The following GON4L variants were observed in gnomAD, a reference collection of about 807,000 sequenced individuals.
GON4L encodes gon-4 like.
In GON4L, 87 loss-of-function variants were observed where a neutral mutation model predicts 211.8. The observed-to-expected ratio is 0.41, with a 90% CI of 0.35 to 0.49. The LOEUF (loss-of-function observed/expected upper bound fraction) is 0.49, where lower values mean the gene tolerates loss of function less well. Ranked by LOEUF, GON4L falls within the 20% of genes least tolerant of loss-of-function variation. GON4L has a pLI of 0.15. For synonymous variants in GON4L, 875 were observed against 962.6 expected (o/e 0.91, Z 1.68); for missense variants, 2,155 against 2,659.5 (o/e 0.81, Z 4.17).
intron 2 of GON4L, among the ~76,000 whole-genome samples, chr1:155,830,075 C>T (rs978945280): frequency 3.3e-5 from 5 of 151,806 alleles, no homozygotes; most frequent in Middle Eastern, 3.2e-3. Context: ...CTCAGCCTTC[C>T]GAGTAGCTGG....
rs745860937 is a variant in GON4L, at chr1:155,766,134, T to C, written c.3339A>G (p.Pro1113=). 13 of 1,613,972 alleles carry C rather than the reference T, an allele frequency of 8.1e-6. No individual in the cohort carries two copies. The East Asian group carries it at 1.8e-4, about 22-fold the overall frequency. Residue 1113 remains proline (P), a synonymous_variant, in exon 21 of 32, where the codon CCA becomes CCG. Coordinates refer to ENST00000368331, the MANE Select transcript of GON4L (RefSeq NM_001282860.2). ...TCTTTGAGGGTCTCCGTCTCACATA[T>C]GGCTTTCGAAACTTAGAAGGGGCAA... is the stretch of plus-strand genomic sequence containing the variant. ...PSLAPSKFRK[P]YVRRRPSKRR...
At chr1:155,825,956 T>A (rs1173239876) in intron 3 of GON4L, among the ~76,000 whole-genome samples, 4 of 151,802 alleles carry the variant, frequency 2.6e-5, no homozygotes, top group Non-Finnish European at 4.4e-5. Context: ...GGCGGGAGAA[T>A]CGCTTGAACC....
At chr1:155,787,267 T>C (rs1447843557) in intron 12 of GON4L, among the ~76,000 whole-genome samples, 1 of 152,052 alleles carries the variant, frequency 6.6e-6, no homozygotes, top group African/African-American at 2.4e-5. Flanking sequence ...TTAAAAATAA[T>C]GTGAACAAGA....
chr1:155,812,557 G>C (rs540625572), intron 10 of GON4L, among the ~76,000 whole-genome samples: 6 of 151,406 alleles, frequency 4.0e-5, no homozygotes, highest in Non-Finnish European at 8.8e-5. Context: ...ACTGTATCCT[G>C]ATTTTTTTTT....
At chr1:155,844,514 T>C (rs896708224) in intron 2 of GON4L, among the ~76,000 whole-genome samples, 3 of 152,084 alleles carry the variant, frequency 2.0e-5, no homozygotes, top group Non-Finnish European at 4.4e-5. Context: ...ACCAGTACTT[T>C]GGGAGGCTAA....
chr1:155,748,382 C>G, downstream of GON4L: 4 of 1,602,502 alleles, frequency 2.5e-6, no homozygotes, highest in South Asian at 4.4e-5. Flanking sequence ...AAGTGCCCCT[C>G]TTGGTGTCTT....
At chr1:155,852,088 A>G (rs1381396631) in intron 2 of GON4L, among the ~76,000 whole-genome samples, 2 of 150,474 alleles carry the variant, frequency 1.3e-5, no homozygotes, top group African/African-American at 4.9e-5. Flanking sequence ...TCACTTGAAC[A>G]TGGGAGGTGG....
In GON4L at chr1:155,750,460, C is replaced by G; in HGVS notation, c.*124G>C. 1.5e-6 allele frequency: 1 copy of G among 658,412 alleles called. No homozygotes were observed. Among genetic ancestry groups the G allele is most frequent in the Non-Finnish European group, 2.8e-6 (1 of 360,976 alleles). 40.8% of individuals were successfully genotyped at this position (658,412 alleles called of 1,614,324 possible). A position where few individuals can be genotyped will look rare whatever the true frequency, so the allele number is the denominator to read the frequency against. On this transcript the variant is annotated 3_prime_UTR_variant, in exon 32 of 32. Transcript: ENST00000368331. ...CCATCCTCCAGCCTTTGTCCTTGTC[C>G]TGGCCTCCTGCTCTCCAGATCTGTA...
chr1:155,826,460 G>A (rs1023559162), intron 3 of GON4L, among the ~76,000 whole-genome samples: 4 of 151,812 alleles, frequency 2.6e-5, no homozygotes, highest in Admixed American at 6.6e-5. Context: ...CAGCTACTCC[G>A]GAGGCTGAGG....
intron 27 of GON4L, 36 bp from the exon 28 acceptor site, chr1:155,754,524 G>GTTTTT (rs760971402): frequency 2.9e-4 from 138 of 476,968 alleles, no homozygotes; most frequent in South Asian, 3.4e-4. Flanking sequence ...CTGCCAAGTT[G>GTTTTT]TTTTTTTTTT....
rs115511891 is a variant in GON4L, at chr1:155,769,833, C to T, written c.2646+1234G>A. The stretch of plus-strand genomic sequence containing the variant: ...AGGAGATTGGAGAGCAGAAAATGTG[C>T]ATGTTTGTGGTGGGAGTAAGGGAGT... On this transcript the variant is annotated intron_variant, in intron 19 of 31. Transcript: ENST00000368331. Among the ~76,000 whole-genome samples the T allele has an allele frequency of 1.5e-3, 221 of 151,806 alleles. 1 individual carries two copies. The highest frequency in any genetic ancestry group is 4.6e-3 in the South Asian group (22 of 4,808).
At chr1:155,823,641 T>G (rs550479016) in intron 3 of GON4L, among the ~76,000 whole-genome samples, 273 of 152,308 alleles carry the variant, frequency 1.8e-3, no homozygotes, top group Non-Finnish European at 2.4e-3. Context: ...ACACCTATAA[T>G]TCCAGCCCCT....
intron 11 of GON4L, among the ~76,000 whole-genome samples, chr1:155,796,872 T>C (rs1212733513): frequency 3.3e-5 from 5 of 152,014 alleles, no homozygotes; most frequent in Admixed American, 6.6e-5. Flanking sequence ...TTTCTTACTA[T>C]CATGTATCCA....
At chr1:155,771,904 C>T (rs1663228460) in intron 18 of GON4L, among the ~76,000 whole-genome samples, 1 of 152,174 alleles carries the variant, frequency 6.6e-6, no homozygotes, top group African/African-American at 2.4e-5. Flanking sequence ...TGGCTCACGC[C>T]TGTAATCCCA....
chr1:155,763,230 T>G, intron 22 of GON4L, 82 bp downstream of exon 22: 2 of 1,363,448 alleles, frequency 1.5e-6, no homozygotes, highest in Non-Finnish European at 2.0e-6. Context: ...ACCTGGTTTA[T>G]AAGCTACCCA....
intron 8 of GON4L, among the ~76,000 whole-genome samples, chr1:155,815,388 A>G (rs750770262): frequency 6.6e-6 from 1 of 152,224 alleles, no homozygotes; most frequent in African/African-American, 2.4e-5. Flanking sequence ...CAATTGAACT[A>G]CAGTGTGTAG....
chr1:155,747,773 C>T (rs761699642), downstream of GON4L: 3 of 1,613,824 alleles, frequency 1.9e-6, no homozygotes, highest in South Asian at 3.3e-5. Context: ...GCTTCCAGAT[C>T]CTGTGTGACC....
At chr1:155,780,812 TA>T (rs1664345735) in intron 14 of GON4L, among the ~76,000 whole-genome samples, 2 of 152,094 alleles carry the variant, frequency 1.3e-5, no homozygotes, top group African/African-American at 4.8e-5. Context: ...CCTGCTGATG[TA>T]GTTACAACAA....
chr1:155,752,191 C>G lies in GON4L; in HGVS notation c.6242G>C (p.Ser2081Thr). ...PDTQERWLPS[S>T]RARVKTRDRT... ...GTCTCTTGTCTTCACCCGAGCTCTG[C>G]TTGAGGGCAGCCATCTCTCTTGAGT... The change falls in exon 30 of 32, where the codon AGC becomes ACC. Residue 2081 changes from serine to threonine, a missense_variant. Ser to Thr is a moderately conservative substitution (Grantham distance 58, BLOSUM62 1). Coordinates refer to ENST00000368331, the MANE Select transcript of GON4L (RefSeq NM_001282860.2). The G allele has an allele frequency of 6.2e-7, 1 of 1,613,646 alleles. No individual in the cohort carries two copies. Among genetic ancestry groups the G allele is most frequent in the South Asian group, 1.1e-5 (1 of 91,066 alleles).
Sources: gnomAD v4.1 joint callset for allele counts (sites outside exome capture counted in the v4.1 genomes callset) on GRCh38, gnomAD v4.1.1 for gene constraint, MANE v1.5 for transcripts, NCBI Gene and HGNC (gene_info 2026-07-23, HGNC 2026-07-21) for gene names.